Variants in CFAP44 observed in about 807,000 individuals in gnomAD.
CFAP44 encodes cilia and flagella associated protein 44.
Under a neutral mutation model 216.2 loss-of-function variants are expected in CFAP44, and 134 were observed. That is an observed-to-expected ratio of 0.62 (90% confidence interval 0.54 to 0.72). CFAP44 has a LOEUF of 0.72. Ranked by LOEUF, CFAP44 falls within the 30% of genes least tolerant of loss-of-function variation. The pLI is 0.00. For missense variants in CFAP44, 2,035 were observed against 2,182.1 expected (o/e 0.93, Z 1.34); for synonymous variants, 700 against 727.6 (o/e 0.96, Z 0.61).
rs767263825 is a variant in CFAP44, at chr3:113,294,465, G to A, written c.5373+222C>T. 1.3e-4 allele frequency: 63 copies of A among 502,532 alleles called. 1 individual carries two copies. In the Middle Eastern group the frequency reaches 1.6e-3, roughly 13 times the overall value. 31.1% of individuals were successfully genotyped at this position (502,532 alleles called of 1,614,324 possible). ...GGCAATTCTATTGATTAGTACTTAC[G>A]TGAGTTCATGGCACCCAAGAGGCGT... On this transcript the variant is annotated intron_variant, in intron 34 of 34. Transcript: ENST00000393845.
chr3:113,441,342 C>A (rs1189274184), intron 1 of CFAP44, 111 bp downstream of exon 1: 46 of 973,616 alleles, frequency 4.7e-5, no homozygotes, highest in Non-Finnish European at 5.4e-5. Flanking sequence ...AGGACGAAGG[C>A]TATAACACTG....
At chr3:113,396,452 G>C (rs1933992360) in intron 14 of CFAP44, 66 bp downstream of exon 14, 6 of 1,495,446 alleles carry the variant, frequency 4.0e-6, no homozygotes, top group Non-Finnish European at 5.5e-6. Flanking sequence ...TGATGAAGTA[G>C]GAGGACTTAT....
chr3:113,352,146 A>C (rs1950451128), intron 22 of CFAP44, among the ~76,000 whole-genome samples: 1 of 152,136 alleles, frequency 6.6e-6, no homozygotes, highest in Non-Finnish European at 1.5e-5. Context: ...GAGGATTGTA[A>C]ATGCACCAAT....
chr3:113,409,404 G>T, intron 6 of CFAP44, 82 bp from the exon 7 acceptor site: 1 of 1,273,934 alleles, frequency 7.8e-7, no homozygotes, highest in South Asian at 1.3e-5. Context: ...AAGAGAGGGA[G>T]TCAGCCCATG....
chr3:113,369,053 T>G (rs1387733898), intron 18 of CFAP44, among the ~76,000 whole-genome samples: 1 of 152,180 alleles, frequency 6.6e-6, no homozygotes, highest in South Asian at 2.1e-4. Context: ...TAAATATATA[T>G]GCACTCAATA....
Position 113,441,471 on chromosome 3 carries a change from C to A in CFAP44, c.-24G>T. Reference sequence around the variant, plus strand: ...AACTCACCGAAGGTACTGACCGCCGCGGCTCCTCTCTTCACAGCGTCTGCC... The same window carrying A: ...AACTCACCGAAGGTACTGACCGCCGAGGCTCCTCTCTTCACAGCGTCTGCC... On this transcript the variant is annotated 5_prime_UTR_variant, in exon 1 of 35. Transcript: ENST00000393845. The A allele has an allele frequency of 1.0e-6, 1 of 984,344 alleles. No individual in the cohort carries two copies. Among genetic ancestry groups the A allele is most frequent in the Non-Finnish European group, 1.2e-6 (1 of 829,990 alleles). The allele number at this position is 984,344 out of a possible 1,614,324, so 61.0% of individuals were successfully genotyped here.
intron 21 of CFAP44, among the ~76,000 whole-genome samples, chr3:113,359,930 G>C (rs981804971): frequency 6.6e-6 from 1 of 152,114 alleles, no homozygotes; most frequent in African/African-American, 2.4e-5. Context: ...TAGATCAACC[G>C]GGTACTGTCT....
intron 16 of CFAP44, 22 bp downstream of exon 16, chr3:113,380,877 A>G (rs1199757770): frequency 5.9e-6 from 9 of 1,517,386 alleles, no homozygotes; most frequent in East Asian, 4.7e-5. Context: ...TTATAAGATA[A>G]TGCTTCAGGA....
intron 18 of CFAP44, among the ~76,000 whole-genome samples, chr3:113,372,030 T>C (rs1023095651): frequency 1.8e-4 from 27 of 152,208 alleles, no homozygotes; most frequent in African/African-American, 6.5e-4. Context: ...CACAGTGAGA[T>C]ACCATCTCAT....
chr3:113,298,879 A>C (rs1180321868), intron 32 of CFAP44, among the ~76,000 whole-genome samples: 1 of 152,218 alleles, frequency 6.6e-6, no homozygotes, highest in Non-Finnish European at 1.5e-5. Context: ...GGAGTTTGGG[A>C]AGATGAAAAG....
chr3:113,401,014 T>C (rs1338122498), intron 11 of CFAP44, among the ~76,000 whole-genome samples: 1 of 152,144 alleles, frequency 6.6e-6, no homozygotes, highest in Non-Finnish European at 1.5e-5. Flanking sequence ...CTATATAATG[T>C]TAGGTATTGA....
chr3:113,349,549 A>C (rs536774032), intron 22 of CFAP44, among the ~76,000 whole-genome samples: 4 of 152,318 alleles, frequency 2.6e-5, no homozygotes, highest in Admixed American at 2.6e-4. Context: ...GTTTGCAAGG[A>C]CACTTTAAAA....
intron 4 of CFAP44, among the ~76,000 whole-genome samples, chr3:113,423,310 T>G (rs1934870449): frequency 6.6e-6 from 1 of 151,998 alleles, no homozygotes; most frequent in African/African-American, 2.4e-5. Flanking sequence ...AGACAGCATT[T>G]TGCCATGTTG....
intron 28 of CFAP44, among the ~76,000 whole-genome samples, chr3:113,312,022 C>T (rs1455997507): frequency 6.6e-6 from 1 of 150,816 alleles, no homozygotes; most frequent in Non-Finnish European, 1.5e-5. Context: ...CAAGAAGTGA[C>T]TTGGATACTG....
At chr3:113,415,526 T>C (rs1221667909) in intron 6 of CFAP44, among the ~76,000 whole-genome samples, 5 of 152,228 alleles carry the variant, frequency 3.3e-5, no homozygotes, top group African/African-American at 1.2e-4. Flanking sequence ...CTCTTAACAC[T>C]GCTTTAGCTG....
chr3:113,320,701 C>G (rs1950138647), intron 28 of CFAP44, among the ~76,000 whole-genome samples: 2 of 151,778 alleles, frequency 1.3e-5, no homozygotes, highest in Non-Finnish European at 2.9e-5. Context: ...AGTCCAAGCC[C>G]CAAAACTGAA....
intron 18 of CFAP44, 45 bp downstream of exon 18, chr3:113,373,366 C>G (rs764565262): frequency 1.4e-6 from 2 of 1,441,948 alleles, no homozygotes; most frequent in Middle Eastern, 1.8e-4. Context: ...AGCATAGACA[C>G]TAACAGGATA....
intron 22 of CFAP44, among the ~76,000 whole-genome samples, chr3:113,346,518 A>C (rs1180529725): frequency 1.3e-5 from 2 of 152,064 alleles, no homozygotes; most frequent in Non-Finnish European, 2.9e-5. Context: ...CTCTGTATCT[A>C]GCTAAAGGAT....
intron 28 of CFAP44, among the ~76,000 whole-genome samples, chr3:113,311,213 A>G (rs1345444809): frequency 6.6e-6 from 1 of 152,252 alleles, no homozygotes; most frequent in African/African-American, 2.4e-5. Flanking sequence ...GCAAATAAAT[A>G]GAAATTATAA....
Sources: gnomAD v4.1 joint callset for allele counts (sites outside exome capture counted in the v4.1 genomes callset) on GRCh38, gnomAD v4.1.1 for gene constraint, MANE v1.5 for transcripts, NCBI Gene and HGNC (gene_info 2026-07-23, HGNC 2026-07-21) for gene names.